The following KIFAP3 variants were observed in gnomAD, a reference collection of about 807,000 sequenced individuals.
KIFAP3 encodes kinesin-associated protein 3.
In KIFAP3, 68 loss-of-function variants were observed where a neutral mutation model predicts 106.5. The observed-to-expected ratio is 0.64, with a 90% confidence interval of 0.53 to 0.78. The LOEUF (loss-of-function observed/expected upper bound fraction) is 0.78, where lower values mean the gene tolerates loss of function less well. KIFAP3 is among the 30% of genes least tolerant of loss of function. KIFAP3 has a pLI of 0.00. For missense variants in KIFAP3, 780 were observed against 941.8 expected (o/e 0.83, Z 2.25); for synonymous variants, 320 against 311.5 (o/e 1.03, Z -0.29).
intron 1 of KIFAP3, among the ~76,000 whole-genome samples, 182 bp downstream of exon 1, chr1:170,074,254 A>AC (rs374979694): frequency 4.2e-4 from 64 of 151,448 alleles, no homozygotes; most frequent in African/African-American, 1.4e-3. Flanking sequence ...GGACTTTGAA[A>AC]CCCCCCCAGA....
intron 10 of KIFAP3, among the ~76,000 whole-genome samples, chr1:170,012,437 C>T (rs971980067): frequency 6.6e-6 from 1 of 151,986 alleles, no homozygotes; most frequent in Non-Finnish European, 1.5e-5. Flanking sequence ...GCTCCAAATC[C>T]CATGCTTTTA....
chr1:170,049,235 A>G (rs1195796128), intron 2 of KIFAP3, among the ~76,000 whole-genome samples: 1 of 152,188 alleles, frequency 6.6e-6, no homozygotes, highest in Non-Finnish European at 1.5e-5. Context: ...AATTCACCAC[A>G]GTGTGGCAAA....
intron 15 of KIFAP3, among the ~76,000 whole-genome samples, chr1:169,978,507 A>C (rs1192844034): frequency 6.6e-6 from 1 of 152,074 alleles, no homozygotes; most frequent in Non-Finnish European, 1.5e-5. Flanking sequence ...GTGGAAATTG[A>C]ACTATCATAA....
intron 10 of KIFAP3, among the ~76,000 whole-genome samples, chr1:170,016,133 T>C (rs1421824781): frequency 6.6e-6 from 1 of 152,190 alleles, no homozygotes; most frequent in Non-Finnish European, 1.5e-5. Flanking sequence ...AAACGATACC[T>C]GCGTTGTTTT....
intron 6 of KIFAP3, among the ~76,000 whole-genome samples, 164 bp downstream of exon 6, chr1:170,035,290 T>C (rs1477241405): frequency 6.6e-6 from 1 of 151,966 alleles, no homozygotes; most frequent in African/African-American, 2.4e-5. Flanking sequence ...GAATAACAGA[T>C]AGCAAGACAG....
chr1:169,979,672 C>CGTA (rs1248198243), intron 15 of KIFAP3, among the ~76,000 whole-genome samples: 2 of 152,094 alleles, frequency 1.3e-5, no homozygotes, highest in African/African-American at 4.8e-5. Flanking sequence ...CTCTCTTACA[C>CGTA]TACTGGTAAG....
At chr1:170,032,666 C>T (rs1005094014) in intron 7 of KIFAP3, among the ~76,000 whole-genome samples, 1 of 133,238 alleles carries the variant, frequency 7.5e-6, no homozygotes, top group Non-Finnish European at 1.8e-5. Context: ...CCACTTGTAT[C>T]AAAATACAAA....
intron 10 of KIFAP3, among the ~76,000 whole-genome samples, chr1:169,998,085 C>A (rs1040591068): frequency 1.3e-5 from 2 of 151,480 alleles, no homozygotes; most frequent in Non-Finnish European, 2.9e-5. Context: ...CTCAATACCC[C>A]CCTCCACACA....
At chr1:170,059,637 A>T (rs1671030880) in intron 1 of KIFAP3, among the ~76,000 whole-genome samples, 1 of 152,220 alleles carries the variant, frequency 6.6e-6, no homozygotes, top group Admixed American at 6.5e-5. Context: ...ATCAACAGAA[A>T]AAGAGGGAAT....
chr1:170,038,413 T>A lies in KIFAP3; in HGVS notation c.394A>T (p.Ile132Phe). 1 of 1,607,446 alleles carries A rather than the reference T, an allele frequency of 6.2e-7. No homozygotes were observed. Among genetic ancestry groups the A allele is most frequent in the Middle Eastern group, 1.7e-4 (1 of 6,034 alleles). The part of the protein sequence containing the change: ...EGMEIDEVAN[I>F]NDMDEYIELL... ...TCAATATATTCATCCATGTCATTAATGTTAGCAACTTCATCAATCTGAAAC... is the reference window on the plus strand; with the variant it reads ...TCAATATATTCATCCATGTCATTAAAGTTAGCAACTTCATCAATCTGAAAC... The change falls in exon 5 of 20, where the codon ATT (isoleucine) becomes TTT (phenylalanine). Residue 132 changes from isoleucine to phenylalanine, a missense_variant. Around this residue, in one of 3 missense-constraint regions of KIFAP3, gnomAD observed 588 missense variants for 678.9 expected, o/e 0.87. Coordinates refer to ENST00000361580, the MANE Select transcript of KIFAP3 (RefSeq NM_014970.4).
chr1:170,024,147 T>A, intron 9 of KIFAP3: 2 of 218,448 alleles, frequency 9.2e-6, no homozygotes, highest in Non-Finnish European at 1.8e-5. Context: ...AAATTTTAAA[T>A]TTAAACAAAC....
intron 9 of KIFAP3, among the ~76,000 whole-genome samples, chr1:170,017,159 A>C (rs973201436): frequency 6.6e-6 from 1 of 151,440 alleles, no homozygotes; most frequent in African/African-American, 2.4e-5. Flanking sequence ...TGGGAGGCTA[A>C]GGCAGAAGAA....
intron 19 of KIFAP3, among the ~76,000 whole-genome samples, chr1:169,949,936 T>C (rs1414852606): frequency 6.6e-6 from 1 of 152,146 alleles, no homozygotes; most frequent in Non-Finnish European, 1.5e-5. Context: ...TAGAATGGGA[T>C]AGATGAGTTT....
At chr1:170,036,370 T>C (rs1461262375) in intron 5 of KIFAP3, among the ~76,000 whole-genome samples, 1 of 152,100 alleles carries the variant, frequency 6.6e-6, no homozygotes, top group African/African-American at 2.4e-5. Context: ...TGTCCCATAT[T>C]TGAGCTTTCT....
At chr1:169,960,972 A>G in intron 18 of KIFAP3, 74 bp downstream of exon 18, 2 of 1,101,296 alleles carry the variant, frequency 1.8e-6, no homozygotes, top group African/African-American at 1.6e-5. Flanking sequence ...AAGCTTGGGA[A>G]TGTGCAAGGC....
chr1:170,031,630 C>T lies in KIFAP3; in HGVS notation c.841+256G>A, dbSNP rs142651296. On this transcript the variant is annotated intron_variant, in intron 8 of 19. Transcript: ENST00000361580. ...AAGATTGATATTATTGAAAAGGTCACACACTGGATTAAAAAATCCTTTCTT... is the reference window on the plus strand; with the variant it reads ...AAGATTGATATTATTGAAAAGGTCATACACTGGATTAAAAAATCCTTTCTT... Among the ~76,000 whole-genome samples the T allele has an allele frequency of 3.0e-3, 458 of 151,816 alleles. 16 individuals carry two copies. The South Asian group carries it at 0.058, about 19-fold the overall frequency.
chr1:170,022,296 A>C (rs75886135), intron 9 of KIFAP3, among the ~76,000 whole-genome samples: 1 of 152,168 alleles, frequency 6.6e-6, no homozygotes, highest in Non-Finnish European at 1.5e-5. Context: ...TATTTTTATT[A>C]AACAGTCAAT....
intron 19 of KIFAP3, among the ~76,000 whole-genome samples, chr1:169,925,531 A>C (rs1180033523): frequency 6.6e-6 from 1 of 151,858 alleles, no homozygotes; most frequent in African/African-American, 2.4e-5. Context: ...TCTAATTAGC[A>C]TTCAGCAAGC....
chr1:169,951,012 C>A (rs10919274), intron 19 of KIFAP3, among the ~76,000 whole-genome samples: 152,052 of 152,052 alleles, frequency 1, 76,026 homozygotes, highest in Non-Finnish European at 1. Flanking sequence ...GAATCTTACC[C>A]ACCACAAATG....
Sources: allele counts gnomAD v4.1 joint callset (sites outside exome capture counted in the v4.1 genomes callset), GRCh38; gene constraint gnomAD v4.1.1; regional missense constraint gnomAD v4.1.1; transcripts MANE v1.5; gene names NCBI Gene and HGNC (gene_info 2026-07-23, HGNC 2026-07-21).